Variants in FABP12 observed in about 807,000 individuals in gnomAD.
The protein encoded by FABP12 is fatty acid binding protein 12, also known as fatty acid-binding protein 12.
A neutral mutation model predicts 13.7 loss-of-function variants in FABP12; 19 were observed. The observed-to-expected ratio is 1.39, with a 90% CI of 0.97 to 2.04. FABP12 has a LOEUF of 2.04. Ranked by LOEUF, FABP12 falls within the 30% of genes most tolerant of loss-of-function variation. The pLI, the probability that FABP12 is intolerant of heterozygous loss-of-function variation, is 0.00. For synonymous variants in FABP12, 61 were observed against 57.0 expected, an observed-to-expected ratio of 1.07 and a Z score of -0.32; for missense variants, 182 against 164.2, an observed-to-expected ratio of 1.11 and a Z score of -0.59.
chr8:81,589,471 C>T (rs1810289322), intron 1 of FABP12, among the ~76,000 whole-genome samples: 1 of 152,164 alleles, frequency 6.6e-6, no homozygotes, highest in South Asian at 2.1e-4. Flanking sequence ...CCATCACCTT[C>T]ACCTCCCAGA....
intron 3 of FABP12, among the ~76,000 whole-genome samples, chr8:81,528,894 T>G (rs1808981775): frequency 6.6e-6 from 1 of 152,120 alleles, no homozygotes; most frequent in Non-Finnish European, 1.5e-5. Flanking sequence ...TTGGCATGGA[T>G]CCCTGAGAGA....
intron 1 of FABP12, among the ~76,000 whole-genome samples, chr8:81,561,244 G>T (rs1809719952): frequency 6.6e-6 from 1 of 152,176 alleles, no homozygotes; most frequent in Non-Finnish European, 1.5e-5. Flanking sequence ...AATGATAACA[G>T]TGCATATGAA....
intron 1 of FABP12, among the ~76,000 whole-genome samples, chr8:81,557,693 A>G (rs959482089): frequency 2.0e-5 from 3 of 152,220 alleles, no homozygotes; most frequent in African/African-American, 7.2e-5. Context: ...CCTGAGTTAA[A>G]CATGTTAACG....
At chr8:81,525,143 G>A in intron 4 of FABP12, 23 bp from the exon 5 acceptor site, 3 of 1,421,538 alleles carry the variant, frequency 2.1e-6, no homozygotes, top group Non-Finnish European at 2.9e-6. Context: ...AGAAATATGA[G>A]GTATTTCAGT....
At chr8:81,529,765 TTA>T (rs1809013855) in intron 2 of FABP12, among the ~76,000 whole-genome samples, 155 bp from the exon 3 acceptor site, 1 of 152,266 alleles carries the variant, frequency 6.6e-6, no homozygotes, top group South Asian at 2.1e-4. Flanking sequence ...TTGAACAGAT[TTA>T]ATGGTGCATG....
intron 1 of FABP12, among the ~76,000 whole-genome samples, chr8:81,546,264 G>A (rs1033142782): frequency 6.6e-6 from 1 of 152,186 alleles, no homozygotes; most frequent in South Asian, 2.1e-4. Context: ...TTTATGACAA[G>A]TGATTTTTAT....
Position 81,531,500 on chromosome 8 carries a change from G to T in FABP12, c.-75-110C>A, listed in dbSNP as rs886156417. On this transcript the variant is annotated intron_variant, in intron 1 of 4. Coordinates refer to ENST00000360464, the Ensembl canonical transcript of FABP12. ...CTTGAGTATCATCTAAAGCAGAAAA[G>T]CTTTCTTAAATTTAAATACATCAGG... 4 of 522,192 alleles carry T rather than the reference G, an allele frequency of 7.7e-6. No individual in the cohort carries two copies. The African/African-American group carries it at 7.8e-5, about 10-fold the overall frequency. 32.3% of individuals were successfully genotyped at this position (522,192 alleles called of 1,614,324 possible). A position where few individuals can be genotyped will look rare whatever the true frequency, so the allele number is the denominator to read the frequency against.
At chr8:81,539,879 G>A (rs756128129) in intron 1 of FABP12, among the ~76,000 whole-genome samples, 1 of 152,194 alleles carries the variant, frequency 6.6e-6, no homozygotes, top group Non-Finnish European at 1.5e-5. Flanking sequence ...CCTGCTGCCT[G>A]AGCACTTGCC....
chr8:81,553,672 T>C (rs1809560994), intron 1 of FABP12, among the ~76,000 whole-genome samples: 2 of 152,220 alleles, frequency 1.3e-5, no homozygotes, highest in African/African-American at 4.8e-5. Flanking sequence ...AGTTCAGGCT[T>C]ATCCCACTAT....
At chr8:81,534,934 A>G (rs1563544867), upstream of FABP12, among the ~76,000 whole-genome samples, 1 of 148,894 alleles carries the variant, frequency 6.7e-6, no homozygotes, top group Non-Finnish European at 1.5e-5. Context: ...TGAGACTCCA[A>G]CTCAAAAAAT....
chr8:81,588,101 C>T (rs11987802), intron 1 of FABP12, among the ~76,000 whole-genome samples: 2 of 152,134 alleles, frequency 1.3e-5, no homozygotes, highest in Non-Finnish European at 2.9e-5. Flanking sequence ...TGATCCCCAC[C>T]CAGTTTTGAG....
intron 2 of FABP12, among the ~76,000 whole-genome samples, chr8:81,530,789 G>A (rs1809051879): frequency 1.3e-5 from 2 of 152,120 alleles, no homozygotes; most frequent in African/African-American, 4.8e-5. Flanking sequence ...GGGAGGAAGA[G>A]GGATGCTATA....
chr8:81,557,100 C>G (rs1809634169), intron 1 of FABP12, among the ~76,000 whole-genome samples: 1 of 151,976 alleles, frequency 6.6e-6, no homozygotes, highest in South Asian at 2.1e-4. Context: ...GTCTCGAATT[C>G]CTGACCTCAG....
intron 1 of FABP12, among the ~76,000 whole-genome samples, chr8:81,558,030 C>T (rs1404315207): frequency 1.3e-5 from 2 of 152,216 alleles, no homozygotes; most frequent in Non-Finnish European, 2.9e-5. Flanking sequence ...GAAGAGGCCA[C>T]TGGAGCACAG....
At position 81,587,137 on chromosome 8, in the gene FABP12, G is replaced by A. The variant is rs546636307; in HGVS notation, c.-185+2916C>T. 1.7e-4 allele frequency among the ~76,000 whole-genome samples: 26 copies of A among 152,152 alleles called. No homozygotes were observed. In the South Asian group the frequency reaches 5.4e-3, roughly 32 times the overall value. On this transcript the variant is annotated intron_variant, in intron 1 of 5. Coordinates refer to the FABP12 transcript ENST00000692030. ...CCTTTATTTCTTGGTTCTCTGACTTGTTACATTGGTCTATGTGTCTGTTTT... is the reference window on the plus strand; with the variant it reads ...CCTTTATTTCTTGGTTCTCTGACTTATTACATTGGTCTATGTGTCTGTTTT...
rs1252293142 is a variant in FABP12, at chr8:81,564,874, A to G, written c.-184-25131T>C. On this transcript the variant is annotated intron_variant, in intron 1 of 5. Transcript: ENST00000692030. The stretch of plus-strand genomic sequence containing the variant: ...GAATGTAAATGGACTAAGCTCTCCA[A>G]TCAAAAGAAATAGACTGTCTGAGTG... Among the ~76,000 whole-genome samples the G allele has an allele frequency of 2.0e-5, 3 of 152,170 alleles. No individual in the cohort carries two copies. The East Asian group carries it at 5.8e-4, about 29-fold the overall frequency.
intron 1 of FABP12, among the ~76,000 whole-genome samples, chr8:81,570,357 G>C (rs1809906505): frequency 6.6e-6 from 1 of 152,208 alleles, no homozygotes; most frequent in Non-Finnish European, 1.5e-5. Flanking sequence ...CCATTTGGCA[G>C]GTCCGAAGTT....
chr8:81,527,084 A>T, exon 4 of FABP12: 1 of 1,611,898 alleles, frequency 6.2e-7, no homozygotes, highest in Non-Finnish European at 8.5e-7. Flanking sequence ...CCAGTCCTGA[A>T]CTTGAATCAG....
At chr8:81,526,891 A>G (rs1485618358) in intron 4 of FABP12, 129 bp downstream of exon 4, 1 of 595,910 alleles carries the variant, frequency 1.7e-6, no homozygotes, top group Non-Finnish European at 3.0e-6. Context: ...TTATCTCATA[A>G]TTTTTTTCTC....
Sources: allele counts gnomAD v4.1 joint callset (sites outside exome capture counted in the v4.1 genomes callset), GRCh38; gene constraint gnomAD v4.1.1; transcripts MANE v1.5; gene names NCBI Gene and HGNC (gene_info 2026-07-23, HGNC 2026-07-21).